ACVR2A: variants seen among roughly 807,000 people sequenced by gnomAD.
ACVR2A encodes the protein activin A receptor type 2A.
In ACVR2A, 7 loss-of-function variants were observed where a neutral mutation model predicts 61.4. That is an observed-to-expected ratio of 0.11 (90% CI 0.06 to 0.21). The LOEUF is 0.21. Among genes scored for constraint, ACVR2A ranks in the 10% least tolerant of loss-of-function variants. ACVR2A has a pLI of 1.00. For missense variants in ACVR2A, 322 were observed against 621.7 expected (o/e 0.52, Z 5.13); for synonymous variants, 193 against 208.3 (o/e 0.93, Z 0.63).
At chr2:147,845,332 C>T in intron 1 of ACVR2A, 125 bp downstream of exon 1, 1 of 609,744 alleles carries the variant, frequency 1.6e-6, no homozygotes, top group Non-Finnish European at 2.5e-6. Flanking sequence ...ACTCCCTGCG[C>T]CCCTCGGCTG....
intron 4 of ACVR2A, among the ~76,000 whole-genome samples, chr2:147,904,786 G>A (rs550210322): frequency 1.3e-5 from 2 of 152,068 alleles, no homozygotes; most frequent in South Asian, 4.1e-4. Flanking sequence ...GAATCTGAAA[G>A]GGTAGGAAAA....
intron 1 of ACVR2A, among the ~76,000 whole-genome samples, chr2:147,874,001 G>A (rs1423779731): frequency 6.6e-6 from 1 of 151,888 alleles, no homozygotes; most frequent in African/African-American, 2.4e-5. Flanking sequence ...TAATATAGTA[G>A]AGAGGAAGAG....
chr2:147,869,517 G>T (rs1166687677), intron 1 of ACVR2A, among the ~76,000 whole-genome samples: 1 of 152,156 alleles, frequency 6.6e-6, no homozygotes, highest in East Asian at 1.9e-4. Flanking sequence ...GGTTAAATAG[G>T]GGAATAACAT....
chr2:147,884,300 G>C (rs951930073), intron 1 of ACVR2A, among the ~76,000 whole-genome samples: 3 of 152,054 alleles, frequency 2.0e-5, no homozygotes, highest in African/African-American at 7.2e-5. Flanking sequence ...GTTAAAACTT[G>C]TATTTACTTG....
chr2:147,919,398 T>C (rs1202388174), intron 7 of ACVR2A, among the ~76,000 whole-genome samples: 1 of 152,160 alleles, frequency 6.6e-6, no homozygotes. Flanking sequence ...TTGCCCTACC[T>C]GGTCACATAG....
At chr2:147,857,070 A>G (rs1685597333) in intron 1 of ACVR2A, among the ~76,000 whole-genome samples, 1 of 152,172 alleles carries the variant, frequency 6.6e-6, no homozygotes, top group Admixed American at 6.5e-5. Context: ...AACTACCTTT[A>G]TCGGAATGAT....
rs1049679418 is a variant in ACVR2A, at chr2:147,929,659, G to A, written c.*2385G>A. ...AGTCTTGTTAAAACTTTCTTTTGCA[G>A]GGTATTTAGTGTTTGGTTTACAGTC... On this transcript the variant is annotated 3_prime_UTR_variant, in exon 11 of 11. Coordinates refer to ENST00000241416, the MANE Select transcript of ACVR2A (RefSeq NM_001616.5). 5.3e-5 allele frequency: 8 copies of A among 152,256 alleles called. No homozygotes were observed. Among genetic ancestry groups the A allele is most frequent in the African/African-American group, 1.9e-4 (8 of 41,340 alleles). The allele number at this position is 152,256 out of a possible 1,614,324, so 9.4% of individuals were successfully genotyped here. A position where few individuals can be genotyped will look rare whatever the true frequency, so the allele number is the denominator to read the frequency against.
intron 1 of ACVR2A, among the ~76,000 whole-genome samples, chr2:147,873,529 A>G (rs1686080553): frequency 1.3e-5 from 2 of 152,064 alleles, no homozygotes; most frequent in South Asian, 2.1e-4. Context: ...GCTAAAGTCT[A>G]GAGCATTTGG....
intron 4 of ACVR2A, among the ~76,000 whole-genome samples, chr2:147,913,693 C>T (rs1280760875): frequency 6.6e-6 from 1 of 151,468 alleles, no homozygotes; most frequent in Non-Finnish European, 1.5e-5. Flanking sequence ...TGTGTCCCCT[C>T]CACTGAGAAT....
At chr2:147,892,387 A>T (rs962663725) in intron 1 of ACVR2A, among the ~76,000 whole-genome samples, 1 of 151,126 alleles carries the variant, frequency 6.6e-6, no homozygotes, top group African/African-American at 2.4e-5. Flanking sequence ...GCCCACAAAT[A>T]CTGGCAACTT....
intron 1 of ACVR2A, among the ~76,000 whole-genome samples, chr2:147,894,193 T>C (rs1331360067): frequency 6.6e-6 from 1 of 152,182 alleles, no homozygotes; most frequent in Non-Finnish European, 1.5e-5. Context: ...TGTGGGTCTA[T>C]TTCTGGGTTC....
At chr2:147,858,152 T>C (rs1166543200) in intron 1 of ACVR2A, among the ~76,000 whole-genome samples, 1 of 152,202 alleles carries the variant, frequency 6.6e-6, no homozygotes, top group East Asian at 1.9e-4. Context: ...TTTGCTTTTA[T>C]GGCCATACAT....
Position 147,915,215 on chromosome 2 carries a change from C to T in ACVR2A, c.553C>T (p.Pro185Ser). 2 of 1,612,116 alleles carry T rather than the reference C, an allele frequency of 1.2e-6. No homozygotes were observed. The highest frequency in any genetic ancestry group is 1.7e-6 in the Non-Finnish European group (2 of 1,178,598). Residue 185 changes from proline (P) to serine (S), a missense_variant, in exon 5 of 11, where the codon CCA (proline) becomes TCA (serine). This residue lies in a region of ACVR2A where 146 missense variants were observed against 383.8 expected (regional missense o/e 0.38). Coordinates refer to ENST00000241416, the MANE Select transcript of ACVR2A (RefSeq NM_001616.5). Reference protein sequence around the residue: ...TQDPGPPPPSPLLGLKPLQLL... With the variant: ...TQDPGPPPPSSLLGLKPLQLL... ...GGACCCAGGACCACCCCCACCTTCTCCATTACTAGGTTTGAAACCACTGCA... is the reference window on the plus strand; with the variant it reads ...GGACCCAGGACCACCCCCACCTTCTTCATTACTAGGTTTGAAACCACTGCA...
rs1686276490 is a variant in ACVR2A at position 147,880,601 on chromosome 2, T to G, written c.56-15700T>G. On this transcript the variant is annotated intron_variant, in intron 1 of 10. Transcript: ENST00000241416. ...AATTAGAATAGGCCTTAGTTGAGTT[T>G]CAGAATTATTGAAAGATTTGTGAGT... Among the ~76,000 whole-genome samples the G allele has an allele frequency of 2.0e-5, 3 of 152,330 alleles. No homozygotes were observed. The South Asian group carries it at 6.2e-4, about 32-fold the overall frequency.
At chr2:147,909,395 T>A (rs971110088) in intron 4 of ACVR2A, among the ~76,000 whole-genome samples, 2 of 152,164 alleles carry the variant, frequency 1.3e-5, no homozygotes, top group African/African-American at 2.4e-5. Context: ...AATGAATGAA[T>A]GAATGAATGA....
Position 147,899,654 on chromosome 2 carries a change from C to T in ACVR2A, c.373+87C>T, listed in dbSNP as rs903402983. ...GTGTTGATGGAATAATTTGCCCCTA[C>T]CTCTTCCCCAAAATTTGAGACTATG... On this transcript the variant is annotated intron_variant, in intron 3 of 10. Coordinates refer to ENST00000241416, the MANE Select transcript of ACVR2A (RefSeq NM_001616.5). The T allele has an allele frequency of 5.1e-6, 8 of 1,584,062 alleles. No individual in the cohort carries two copies. The Admixed American group carries it at 8.7e-5, about 17-fold the overall frequency.
At chr2:147,864,872 A>G (rs768106859) in intron 1 of ACVR2A, among the ~76,000 whole-genome samples, 1 of 152,174 alleles carries the variant, frequency 6.6e-6, no homozygotes, top group Non-Finnish European at 1.5e-5. Flanking sequence ...AAGAGTGTAA[A>G]GTTTTTAATT....
At chr2:147,845,756 C>G (rs1040037774) in intron 1 of ACVR2A, among the ~76,000 whole-genome samples, 3 of 152,150 alleles carry the variant, frequency 2.0e-5, no homozygotes, top group Non-Finnish European at 4.4e-5. Context: ...CTTCAGCGTC[C>G]AGCAGTGTTA....
chr2:147,911,098 G>A (rs1461872272), intron 4 of ACVR2A, among the ~76,000 whole-genome samples: 1 of 152,096 alleles, frequency 6.6e-6, no homozygotes, highest in Non-Finnish European at 1.5e-5. Context: ...AAATTTGTTA[G>A]GGCTGCTAGC....
Sources: allele counts gnomAD v4.1 joint callset (sites outside exome capture counted in the v4.1 genomes callset), GRCh38; gene constraint gnomAD v4.1.1; regional missense constraint gnomAD v4.1.1; transcripts MANE v1.5; gene names NCBI Gene and HGNC (gene_info 2026-07-23, HGNC 2026-07-21).